INTS7: variants seen among roughly 807,000 people sequenced by gnomAD.
INTS7 encodes the protein chromosome 1 open reading frame 73.
In INTS7, 46 loss-of-function variants were observed where a neutral mutation model predicts 109.2. The observed-to-expected ratio is 0.42, with a 90% confidence interval of 0.33 to 0.54. The LOEUF (loss-of-function observed/expected upper bound fraction) is 0.54, where lower values mean the gene tolerates loss of function less well. Ranked by LOEUF, INTS7 falls within the 20% of genes least tolerant of loss-of-function variation. The pLI, the probability that INTS7 is intolerant of heterozygous loss-of-function variation, is 0.07. For synonymous variants in INTS7, 412 were observed against 402.9 expected, an observed-to-expected ratio of 1.02 and a Z score of -0.27; for missense variants, 929 against 1,132.4, an observed-to-expected ratio of 0.82 and a Z score of 2.58.
In INTS7 at chr1:212,007,969, C is replaced by G. The variant is rs1666007900; in HGVS notation, c.557-520G>C. The stretch of plus-strand genomic sequence containing the variant: ...ACGACTGGATCCATGAAGACTAACC[C>G]TAATCCACGTTTTCCTGTCAACAGT... On this transcript the variant is annotated intron_variant, in intron 5 of 19. Coordinates refer to ENST00000366994, the MANE Select transcript of INTS7 (RefSeq NM_015434.4). Among the ~76,000 whole-genome samples, 2 of 152,170 alleles carry G rather than the reference C, an allele frequency of 1.3e-5. 1 individual carries two copies. The highest frequency in any genetic ancestry group is 4.1e-4 in the South Asian group (2 of 4,828).
At position 211,974,270 on chromosome 1, in the gene INTS7, AAAAAAAATATATATATATATATAT is replaced by A. The variant is rs1312162155; in HGVS notation, c.1815+872_1815+895del. On this transcript the variant is annotated intron_variant, in intron 13 of 19. Coordinates refer to ENST00000366994, the MANE Select transcript of INTS7 (RefSeq NM_015434.4). ...AGGAAACAACAATCTCTTCCCAGAA[AAAAAAAATATATATATATATATAT>A]ATATATATATATATAAAATACTTCA... Among the ~76,000 whole-genome samples, 118 of 101,892 alleles carry A rather than the reference AAAAAAAATATATATATATATATAT, an allele frequency of 1.2e-3. 2 individuals are homozygous for A. Among genetic ancestry groups the A allele is most frequent in the African/African-American group, 4.0e-3 (109 of 27,058 alleles). 66.8% of individuals were successfully genotyped at this position (101,892 alleles called of 152,430 possible).
At position 211,959,078 on chromosome 1, in the gene INTS7, G is replaced by A. The variant is rs998747693; in HGVS notation, c.2184-6377C>T. Among the ~76,000 whole-genome samples, 3 of 152,170 alleles carry A rather than the reference G, an allele frequency of 2.0e-5. No individual in the cohort carries two copies. The East Asian group carries it at 5.8e-4, about 29-fold the overall frequency. On this transcript the variant is annotated intron_variant, in intron 16 of 19. Coordinates refer to ENST00000366994, the MANE Select transcript of INTS7 (RefSeq NM_015434.4). The surrounding 1 kb of genome is among the most constrained non-coding windows in gnomAD (Gnocchi z 4.2). The stretch of plus-strand genomic sequence containing the variant: ...CCACGGGCCTCTGGAATCCTGGCAG[G>A]AGATTCCTCGACCACTATGGACACT...
intron 16 of INTS7, among the ~76,000 whole-genome samples, chr1:211,958,508 TTA>T (rs148205901): frequency 0.026 from 3,921 of 152,302 alleles, 54 homozygotes; most frequent in African/African-American, 0.045. Flanking sequence ...TGCTCTAATT[TTA>T]TGTTTTCCCT....
intron 17 of INTS7, 120 bp downstream of exon 17, chr1:211,952,449 T>C (rs899037792): frequency 4.0e-6 from 4 of 1,000,810 alleles, no homozygotes; most frequent in Non-Finnish European, 5.9e-6. Flanking sequence ...TAACCCTGTT[T>C]TATGGATAAG....
chr1:212,001,577 TGA>T (rs1665673496), intron 7 of INTS7, among the ~76,000 whole-genome samples: 2 of 152,244 alleles, frequency 1.3e-5, no homozygotes, highest in African/African-American at 4.8e-5. Flanking sequence ...CAGCGGATAC[TGA>T]GAGACCAATG....
At chr1:212,020,585 T>TGG (rs1666646627) in intron 2 of INTS7, 1 of 261,378 alleles carries the variant, frequency 3.8e-6, no homozygotes, top group African/African-American at 2.3e-5. Context: ...CTCTTGGGCT[T>TGG]ATTCCACAAC....
At chr1:211,983,502 T>C (rs1366011811) in intron 8 of INTS7, among the ~76,000 whole-genome samples, 1 of 152,258 alleles carries the variant, frequency 6.6e-6, no homozygotes, top group Non-Finnish European at 1.5e-5. Context: ...GCAAGGTTCA[T>C]GTTGTAACTA....
chr1:211,987,252 C>T (rs1165529073), intron 8 of INTS7, among the ~76,000 whole-genome samples: 2 of 151,766 alleles, frequency 1.3e-5, no homozygotes, highest in African/African-American at 4.8e-5. Context: ...AGCCAAGATC[C>T]CCCCACTGCA....
At chr1:212,035,036 T>C (rs1352368965) in intron 1 of INTS7, among the ~76,000 whole-genome samples, 3 of 152,222 alleles carry the variant, frequency 2.0e-5, no homozygotes, top group Admixed American at 2.0e-4. Context: ...TTCTTTGCAG[T>C]GTCTCTTAGA....
intron 7 of INTS7, among the ~76,000 whole-genome samples, chr1:211,996,384 A>G (rs2970603): frequency 2.6e-5 from 4 of 152,104 alleles, no homozygotes; most frequent in Non-Finnish European, 5.9e-5. Context: ...ATAGCACCAC[A>G]GCACTCCAGC....
At chr1:212,035,298 T>G in intron 1 of INTS7, 46 bp downstream of exon 1, 1 of 1,303,514 alleles carries the variant, frequency 7.7e-7, no homozygotes, top group East Asian at 2.3e-5. Context: ...GTGGCGCCAC[T>G]TCCCCCCACG....
intron 14 of INTS7, 101 bp from the exon 15 acceptor site, chr1:211,968,082 TC>T (rs202195823): frequency 1.2e-5 from 7 of 585,322 alleles, no homozygotes; most frequent in Admixed American, 7.3e-5. Context: ...CAATAACAAT[TC>T]AAAAAAAATA....
chr1:211,972,496 A>G (rs1419156269), intron 13 of INTS7, among the ~76,000 whole-genome samples: 1 of 152,226 alleles, frequency 6.6e-6, no homozygotes, highest in Non-Finnish European at 1.5e-5. Flanking sequence ...TAATGCAAAT[A>G]TTCCAAAATC....
intron 16 of INTS7, among the ~76,000 whole-genome samples, chr1:211,955,897 A>T (rs932377712): frequency 6.6e-6 from 1 of 152,232 alleles, no homozygotes; most frequent in African/African-American, 2.4e-5. Context: ...CTTAAGTTCT[A>T]TTAAGACAAG....
chr1:212,033,834 G>A (rs1667283073), intron 1 of INTS7, among the ~76,000 whole-genome samples: 1 of 152,094 alleles, frequency 6.6e-6, no homozygotes, highest in Non-Finnish European at 1.5e-5. Flanking sequence ...GTAAATCCCA[G>A]CACTTTGGAA....
At chr1:211,953,557 C>G (rs1182491325) in intron 16 of INTS7, among the ~76,000 whole-genome samples, 2 of 111,700 alleles carry the variant, frequency 1.8e-5, no homozygotes, top group Admixed American at 1.1e-4. Context: ...CCCCTCCCCC[C>G]ACCCCACAAC....
Position 211,946,684 on chromosome 1 carries a change from C to A in INTS7, c.2338G>T (p.Ala780Ser). 1 of 1,612,910 alleles carries A rather than the reference C, an allele frequency of 6.2e-7. No homozygotes were observed. The highest frequency in any genetic ancestry group is 8.5e-7 in the Non-Finnish European group (1 of 1,179,072). ...GGAACTTTCAGCAAAGCAATGATGG[C>A]ATTGCAGAGGCATGCTGTGTGCTGG... The part of the protein sequence containing the change: ...SYMHTACLCN[A>S]IIALLKVPLS... The change falls in exon 18 of 20, where the codon GCC (alanine) becomes TCC (serine). Residue 780 changes from alanine (A) to serine (S), a missense_variant. Physicochemically the swap from Ala to Ser is moderately conservative, Grantham distance 99. Coordinates refer to ENST00000366994, the MANE Select transcript of INTS7 (RefSeq NM_015434.4). This position sits in a 1 kb window ranked among gnomAD's most constrained non-coding sequence, Gnocchi z 4.3.
At chr1:212,016,791 ATCTC>A in intron 4 of INTS7, 91 bp downstream of exon 4, 1 of 911,690 alleles carries the variant, frequency 1.1e-6, no homozygotes, top group Non-Finnish European at 1.7e-6. Context: ...ACTTTCCTGT[ATCTC>A]TCAGTGTTTA....
intron 1 of INTS7, among the ~76,000 whole-genome samples, chr1:212,032,910 AC>A (rs1353892646): frequency 6.6e-6 from 1 of 152,204 alleles, no homozygotes; most frequent in Non-Finnish European, 1.5e-5. Context: ...TCTTGCCTAT[AC>A]TTCATAAAAT....
Sources: gnomAD v4.1 joint callset for allele counts (sites outside exome capture counted in the v4.1 genomes callset) on GRCh38, gnomAD v4.1.1 for gene constraint, Gnocchi (gnomAD v3.1) non-coding constraint, MANE v1.5 for transcripts, NCBI Gene and HGNC (gene_info 2026-07-23, HGNC 2026-07-21) for gene names.